The following SLFN12L variants were observed in gnomAD, a reference collection of about 807,000 sequenced individuals.
SLFN12L encodes the protein schlafen family member 12-like.
In SLFN12L, 34 loss-of-function variants were observed where a neutral mutation model predicts 34.8. The ratio of observed to expected loss-of-function variants is 0.98; its 90% CI spans 0.74 to 1.30. The LOEUF (loss-of-function observed/expected upper bound fraction) is 1.30, where lower values mean the gene tolerates loss of function less well. Among genes scored for constraint, SLFN12L ranks in the 50% most tolerant of loss-of-function variants. The pLI, the probability that SLFN12L is intolerant of heterozygous loss-of-function variation, is 0.00. For missense variants in SLFN12L, 703 were observed against 696.2 expected (o/e 1.01, Z -0.11); for synonymous variants, 259 against 247.5 (o/e 1.05, Z -0.44).
chr17:35,501,275 G>GGCAGACCCCA (rs1915287628), intron 2 of SLFN12L, among the ~76,000 whole-genome samples: 1 of 152,196 alleles, frequency 6.6e-6, no homozygotes, highest in Admixed American at 6.5e-5. Flanking sequence ...CCCAATGGAG[G>GGCAGACCCCA]ATCAATATGG....
Position 35,522,839 on chromosome 17 carries a change from T to G in SLFN12L, c.-475A>C. 1 of 1,195,018 alleles carries G rather than the reference T, an allele frequency of 8.4e-7. No homozygotes were observed. Among genetic ancestry groups the G allele is most frequent in the Non-Finnish European group, 1.2e-6 (1 of 816,138 alleles). 74.0% of individuals were successfully genotyped at this position (1,195,018 alleles called of 1,614,324 possible). ...GCAAATTCAGGTCCACAGCCTAGCT[T>G]CTAGAGAGGATCACAATTCCCCAGG... On this transcript the variant is annotated 5_prime_UTR_variant, in exon 2 of 5. Transcript: ENST00000628453.
chr17:35,477,947 A>G, intron 4 of SLFN12L, 128 bp downstream of exon 4: 1 of 629,982 alleles, frequency 1.6e-6, no homozygotes. Flanking sequence ...ATGACTAAAA[A>G]CACCAAAGAA....
In SLFN12L at chr17:35,469,826, G is replaced by A. The variant is rs779921802; in HGVS notation, c.*5097C>T. ...GCCATGTAACAGACAACTGGGGACC[G>A]TCCCTAGGCCCCAAAGCCCATCAGA... On this transcript the variant is annotated 3_prime_UTR_variant, in exon 5 of 5. Coordinates refer to ENST00000628453, the MANE Select transcript of SLFN12L (RefSeq NM_001363830.2). Among the ~76,000 whole-genome samples, 2 of 152,062 alleles carry A rather than the reference G, an allele frequency of 1.3e-5. No homozygotes were observed. Among genetic ancestry groups the A allele is most frequent in the Admixed American group, 6.6e-5 (1 of 15,264 alleles).
chr17:35,480,041 G>T lies in SLFN12L; in HGVS notation c.241C>A (p.Gln81Lys), dbSNP rs1244986018. 5 of 1,614,126 alleles carry T rather than the reference G, an allele frequency of 3.1e-6. No individual in the cohort carries two copies. The highest frequency in any genetic ancestry group is 4.2e-6 in the Non-Finnish European group (5 of 1,180,032). ...GCTCGTGAGACATTTTCATTCTGCT[G>T]TTTTCTCAGTTGACAATCCTTCATT... ...KKMKDCQLRK[Q>K]QNENVSRAVC... The change falls in exon 3 of 5, where the codon CAG becomes AAG. Residue 81 changes from glutamine (Q) to lysine (K), a missense_variant. Coordinates refer to ENST00000628453, the MANE Select transcript of SLFN12L (RefSeq NM_001363830.2).
chr17:35,502,432 A>AC (rs1567671500), intron 2 of SLFN12L, among the ~76,000 whole-genome samples: 6 of 148,342 alleles, frequency 4.0e-5, no homozygotes, highest in Admixed American at 1.3e-4. Flanking sequence ...AAAAAAAAAA[A>AC]AAAAAAAAAA....
At chr17:35,533,727 G>A (rs1444738151) in intron 1 of SLFN12L, among the ~76,000 whole-genome samples, 1 of 152,146 alleles carries the variant, frequency 6.6e-6, no homozygotes, top group Non-Finnish European at 1.5e-5. Context: ...CCATGCTCAG[G>A]TGTCCAGCTG....
At position 35,469,610 on chromosome 17, in the gene SLFN12L, T is replaced by C. The variant is rs984611536; in HGVS notation, c.*5313A>G. ...TACCACCCCAGGTTTCTTACGATGATGCCAAATAGGCCCAGGGGCAATGGG... is the reference window on the plus strand; with the variant it reads ...TACCACCCCAGGTTTCTTACGATGACGCCAAATAGGCCCAGGGGCAATGGG... On this transcript the variant is annotated 3_prime_UTR_variant, in exon 5 of 5. Coordinates refer to ENST00000628453, the MANE Select transcript of SLFN12L (RefSeq NM_001363830.2). 6.6e-6 allele frequency among the ~76,000 whole-genome samples: 1 copy of C among 152,082 alleles called. No homozygotes were observed. Among genetic ancestry groups the C allele is most frequent in the Non-Finnish European group, 1.5e-5 (1 of 68,022 alleles).
In SLFN12L at chr17:35,502,981, A is replaced by T. The variant is rs564683081; in HGVS notation, c.86+19298T>A. On this transcript the variant is annotated intron_variant, in intron 2 of 4. Coordinates refer to ENST00000628453, the MANE Select transcript of SLFN12L (RefSeq NM_001363830.2). The stretch of plus-strand genomic sequence containing the variant: ...AAGAATTGTCTGTGAAAGTCGTGAA[A>T]GAGAAAAAAAGTTATAAAAAAAAGT... Among the ~76,000 whole-genome samples the T allele has an allele frequency of 7.3e-3, 823 of 113,318 alleles. 8 individuals are homozygous for T. The highest frequency in any genetic ancestry group is 0.039 in the African/African-American group (790 of 20,376). 74.3% of individuals were successfully genotyped at this position (113,318 alleles called of 152,430 possible). A position where few individuals can be genotyped will look rare whatever the true frequency, so the allele number is the denominator to read the frequency against.
intron 1 of SLFN12L, among the ~76,000 whole-genome samples, chr17:35,530,441 G>A (rs8082511): frequency 0.67 from 11,057 of 16,618 alleles, 4,053 homozygotes; most frequent in African/African-American, 0.7. Flanking sequence ...GAAGGGAAGG[G>A]AAGAAAGAAA....
intron 2 of SLFN12L, among the ~76,000 whole-genome samples, chr17:35,516,316 G>A (rs962573157): frequency 1.3e-5 from 2 of 152,186 alleles, no homozygotes; most frequent in African/African-American, 4.8e-5. Flanking sequence ...CAGCATATAG[G>A]AACCTCAGTG....
intron 1 of SLFN12L, among the ~76,000 whole-genome samples, chr17:35,529,655 G>A (rs1225013994): frequency 6.6e-6 from 1 of 151,586 alleles, no homozygotes; most frequent in Non-Finnish European, 1.5e-5. Flanking sequence ...GAGAACACAC[G>A]GACACATAAA....
At chr17:35,491,931 GT>G (rs1341552388) in intron 2 of SLFN12L, among the ~76,000 whole-genome samples, 3 of 152,210 alleles carry the variant, frequency 2.0e-5, no homozygotes, top group African/African-American at 7.2e-5. Context: ...ACTCTAAGCT[GT>G]TGTGGATTTT....
At position 35,475,515 on chromosome 17, in the gene SLFN12L, A is replaced by G. The variant is rs1352494250; in HGVS notation, c.1277-30T>C. 3.9e-6 allele frequency: 6 copies of G among 1,519,882 alleles called. No individual in the cohort carries two copies. The East Asian group carries it at 1.4e-4, about 36-fold the overall frequency. The allele number at this position is 1,519,882 out of a possible 1,614,324, so 94.1% of individuals were successfully genotyped here. A position where few individuals can be genotyped will look rare whatever the true frequency, so the allele number is the denominator to read the frequency against. On this transcript the variant is annotated intron_variant, in intron 4 of 4. Transcript: ENST00000628453. The stretch of plus-strand genomic sequence containing the variant: ...ATGGGGAAATAATGATAAATTATAA[A>G]AGACTGAGAACTTCCAACTTAAGCC...
chr17:35,531,956 A>G (rs1349834480), intron 1 of SLFN12L, among the ~76,000 whole-genome samples: 3 of 152,016 alleles, frequency 2.0e-5, no homozygotes, highest in East Asian at 3.9e-4. Flanking sequence ...TTCTACATCT[A>G]AAAGTGCAAA....
At chr17:35,534,971 G>T (rs1436516251) in intron 1 of SLFN12L, among the ~76,000 whole-genome samples, 1 of 152,192 alleles carries the variant, frequency 6.6e-6, no homozygotes, top group Non-Finnish European at 1.5e-5. Flanking sequence ...CTCCTCATGA[G>T]CTGAAAGAGC....
intron 2 of SLFN12L, among the ~76,000 whole-genome samples, chr17:35,483,824 C>T (rs908815471): frequency 2.6e-5 from 4 of 152,166 alleles, no homozygotes; most frequent in Non-Finnish European, 4.4e-5. Context: ...TCAGAATATT[C>T]CTGTCCACTG....
chr17:35,524,399 G>A (rs909478269), intron 1 of SLFN12L, among the ~76,000 whole-genome samples: 3 of 152,202 alleles, frequency 2.0e-5, no homozygotes, highest in African/African-American at 7.2e-5. Context: ...CTCCTCAAGT[G>A]GGTCCCTGGC....
At chr17:35,522,997 G>A in intron 1 of SLFN12L, 28 bp from the exon 2 acceptor site, 2 of 461,908 alleles carry the variant, frequency 4.3e-6, no homozygotes, top group South Asian at 9.7e-5. Flanking sequence ...GAGAAATTAG[G>A]GGAAGGAGAA....
At chr17:35,482,534 C>T (rs1028640171) in intron 2 of SLFN12L, among the ~76,000 whole-genome samples, 5 of 152,178 alleles carry the variant, frequency 3.3e-5, no homozygotes, top group Admixed American at 3.3e-4. Flanking sequence ...GAATCCTGCC[C>T]CACAACCCTG....
Sources: allele counts gnomAD v4.1 joint callset (sites outside exome capture counted in the v4.1 genomes callset), GRCh38; gene constraint gnomAD v4.1.1; transcripts MANE v1.5; gene names NCBI Gene and HGNC (gene_info 2026-07-23, HGNC 2026-07-21).